Variants in AK6 observed in about 807,000 individuals in gnomAD.
AK6 encodes adenylate kinase 6.
A neutral mutation model predicts 23.7 loss-of-function variants in AK6; 24 were observed. The ratio of observed to expected loss-of-function variants is 1.01; its 90% CI spans 0.73 to 1.43. The LOEUF (loss-of-function observed/expected upper bound fraction) is 1.43, where lower values mean the gene tolerates loss of function less well. AK6 is among the 40% of genes most tolerant of loss of function. The pLI, the probability that AK6 is intolerant of heterozygous loss-of-function variation, is 0.00. For missense variants in AK6, 191 were observed against 199.1 expected, an observed-to-expected ratio of 0.96 and a Z score of 0.24; for synonymous variants, 73 against 69.8, an observed-to-expected ratio of 1.05 and a Z score of -0.23.
In AK6 at chr5:69,365,332, C is replaced by T. The variant is rs759818476; in HGVS notation, c.121+1171G>A. ...GTTATTCTTCCCGCAGAAGTTGATG[C>T]CTTTTTCTGTAAAGATTTCAGCCTA... On this transcript the variant is annotated intron_variant, in intron 2 of 4. Coordinates refer to ENST00000380822, the MANE Select transcript of AK6 (RefSeq NM_016283.5). 5 of 1,614,200 alleles carry T rather than the reference C, an allele frequency of 3.1e-6. No individual in the cohort carries two copies. Among genetic ancestry groups the T allele is most frequent in the Non-Finnish European group, 4.2e-6 (5 of 1,180,042 alleles).
At chr5:69,365,750 T>A (rs766505255) in intron 2 of AK6, 9 of 1,521,690 alleles carry the variant, frequency 5.9e-6, no homozygotes, top group Middle Eastern at 1.8e-4. Context: ...TATCCGATGA[T>A]CAGACTTTAG....
chr5:69,366,910 C>A (rs541051286), intron 1 of AK6: 9 of 266,138 alleles, frequency 3.4e-5, no homozygotes, highest in Admixed American at 1.9e-4. Context: ...AGGTGCCCAC[C>A]ACCATACCCA....
chr5:69,368,740 A>G (rs903451085), intron 1 of AK6: 9 of 152,200 alleles, frequency 5.9e-5, no homozygotes, highest in African/African-American at 2.2e-4. Context: ...CAATTTGATA[A>G]ACACTTTCAG....
Position 69,363,322 on chromosome 5 carries a change from ATT to A in AK6, c.121+3179_121+3180del, listed in dbSNP as rs1488329036. On this transcript the variant is annotated intron_variant, in intron 2 of 4. Coordinates refer to ENST00000380822, the MANE Select transcript of AK6 (RefSeq NM_016283.5). The stretch of plus-strand genomic sequence containing the variant: ...GGATTGTCCTTGGTCTGGTGTCACC[ATT>A]GCTCTCAATGCTATTAATGCTCTAA... Among the ~76,000 whole-genome samples, 10 of 152,366 alleles carry A rather than the reference ATT, an allele frequency of 6.6e-5. No homozygotes were observed. In the East Asian group the frequency reaches 1.5e-3, roughly 23 times the overall value.
chr5:69,352,792 C>T (rs1379837094), intron 4 of AK6, among the ~76,000 whole-genome samples: 1 of 152,126 alleles, frequency 6.6e-6, no homozygotes, highest in African/African-American at 2.4e-5. Context: ...CCCTCATACA[C>T]AGTGTGAATA....
At chr5:69,361,827 A>T (rs1475124989) in intron 2 of AK6, among the ~76,000 whole-genome samples, 2 of 151,560 alleles carry the variant, frequency 1.3e-5, no homozygotes. Flanking sequence ...GCTGGTCTTG[A>T]ACTCCTGACC....
rs1331126056 is a variant in AK6 at position 69,351,896 on chromosome 5, T to G, written c.*165A>C. The G allele has an allele frequency of 2.3e-6, 1 of 441,800 alleles. No individual in the cohort carries two copies. The highest frequency in any genetic ancestry group is 3.4e-5 in the East Asian group (1 of 29,324). 27.4% of individuals were successfully genotyped at this position (441,800 alleles called of 1,614,324 possible). A position where few individuals can be genotyped will look rare whatever the true frequency, so the allele number is the denominator to read the frequency against. ...ATACTATATTCATTATATTTCATGT[T>G]TAGCTTTCTCATGGAGAAAAAGAAA... is the stretch of plus-strand genomic sequence containing the variant. On this transcript the variant is annotated 3_prime_UTR_variant, in exon 5 of 5. Coordinates refer to ENST00000380822, the MANE Select transcript of AK6 (RefSeq NM_016283.5).
At chr5:69,354,462 T>A (rs553276246) in intron 4 of AK6, among the ~76,000 whole-genome samples, 2 of 152,346 alleles carry the variant, frequency 1.3e-5, no homozygotes, top group East Asian at 3.9e-4. Context: ...AAACCACACA[T>A]TCTGACCCCG....
At position 69,357,831 on chromosome 5, in the gene AK6, T is replaced by G. The variant is rs1762121967; in HGVS notation, c.122-1878A>C. ...AAAAATGTTGAACAATAAGAAAAGT[T>G]AAATCTTGATTTACCAACTTTATAA... On this transcript the variant is annotated intron_variant, in intron 2 of 4. Transcript: ENST00000380822. Among the ~76,000 whole-genome samples, 3 of 152,276 alleles carry G rather than the reference T, an allele frequency of 2.0e-5. No homozygotes were observed. In the South Asian group the frequency reaches 6.2e-4, roughly 32 times the overall value.
At chr5:69,358,114 TA>T (rs1390453399) in intron 2 of AK6, among the ~76,000 whole-genome samples, 1 of 152,230 alleles carries the variant, frequency 6.6e-6, no homozygotes, top group Non-Finnish European at 1.5e-5. Flanking sequence ...CAGTATTGCA[TA>T]TTTTTTTAAC....
chr5:69,369,307 C>T (rs1022385507), intron 1 of AK6, 156 bp downstream of exon 1: 55 of 717,758 alleles, frequency 7.7e-5, no homozygotes, highest in Admixed American at 1.3e-4. Flanking sequence ...GCAACGCCCG[C>T]GAGGGTCGGC....
At chr5:69,364,955 A>G (rs762996200) in intron 2 of AK6, 6 of 1,611,058 alleles carry the variant, frequency 3.7e-6, no homozygotes, top group Non-Finnish European at 4.2e-6. Context: ...ACAGATTATC[A>G]TAGTCATCAT....
At chr5:69,358,199 G>T (rs890080585) in intron 2 of AK6, among the ~76,000 whole-genome samples, 5 of 152,066 alleles carry the variant, frequency 3.3e-5, no homozygotes, top group Admixed American at 3.3e-4. Context: ...AAACACGGAG[G>T]TTCCTTCATA....
intron 2 of AK6, chr5:69,365,469 T>C: frequency 6.2e-7 from 1 of 1,614,126 alleles, no homozygotes; most frequent in Non-Finnish European, 8.5e-7. Flanking sequence ...TAATAAAAAA[T>C]CTCTTGGGGG....
chr5:69,357,396 C>G (rs73772542), intron 2 of AK6, among the ~76,000 whole-genome samples: 1 of 152,182 alleles, frequency 6.6e-6, no homozygotes, highest in African/African-American at 2.4e-5. Context: ...TTACTTTATA[C>G]CACAAACCCC....
chr5:69,365,083 T>C, intron 2 of AK6: 1 of 1,614,236 alleles, frequency 6.2e-7, no homozygotes, highest in South Asian at 1.1e-5. Flanking sequence ...TTGGACCCGA[T>C]TAATGATGGA....
chr5:69,366,949 G>A lies in AK6; in HGVS notation c.29-354C>T, dbSNP rs111849642. 56 of 212,236 alleles carry A rather than the reference G, an allele frequency of 2.6e-4. 2 individuals are homozygous for A. The highest frequency in any genetic ancestry group is 1.1e-3 in the African/African-American group (50 of 44,014). 13.1% of individuals were successfully genotyped at this position (212,236 alleles called of 1,614,324 possible). A position where few individuals can be genotyped will look rare whatever the true frequency, so the allele number is the denominator to read the frequency against. ...AATTTTTGTATTTTCAGTAGAGACC[G>A]GGTTTCACCATATTGGCCAGGCTGG... is the stretch of plus-strand genomic sequence containing the variant. On this transcript the variant is annotated intron_variant, in intron 1 of 4. Coordinates refer to ENST00000380822, the MANE Select transcript of AK6 (RefSeq NM_016283.5).
chr5:69,353,529 C>A (rs1007672709), intron 4 of AK6, among the ~76,000 whole-genome samples: 20 of 152,022 alleles, frequency 1.3e-4, no homozygotes, highest in African/African-American at 4.8e-4. Flanking sequence ...AACTCCTGAC[C>A]TCATGATTCA....
intron 4 of AK6, among the ~76,000 whole-genome samples, chr5:69,353,673 T>C (rs760662381): frequency 1.3e-5 from 2 of 152,202 alleles, no homozygotes; most frequent in Non-Finnish European, 1.5e-5. Flanking sequence ...GCAACTGATA[T>C]ATACACCTAC....
Sources: allele counts gnomAD v4.1 joint callset (sites outside exome capture counted in the v4.1 genomes callset), GRCh38; gene constraint gnomAD v4.1.1; transcripts MANE v1.5; gene names NCBI Gene and HGNC (gene_info 2026-07-23, HGNC 2026-07-21).